The following MECR variants were observed in gnomAD, a reference collection of about 807,000 sequenced individuals.
MECR encodes the protein enoyl-[acyl-carrier-protein] reductase, mitochondrial.
Under a neutral mutation model 49.1 loss-of-function variants are expected in MECR, and 37 were observed. That is an observed-to-expected ratio of 0.75 (90% CI 0.58 to 0.99). The LOEUF is 0.99. Among genes scored for constraint, MECR ranks in the 50% least tolerant of loss-of-function variants. The pLI, the probability that MECR is intolerant of heterozygous loss-of-function variation, is 0.00. For synonymous variants in MECR, 198 were observed against 191.1 expected (o/e 1.04, Z -0.30); for missense variants, 470 against 479.6 (o/e 0.98, Z 0.19).
At chr1:29,174,980 T>C in the MECR span, among the ~76,000 whole-genome samples, 2 of 143,462 alleles carry the variant, frequency 1.4e-5, no homozygotes, top group African/African-American at 5.1e-5. Flanking sequence ...CCGGTGGGTT[T>C]TTTAATTAAA....
the MECR span, chr1:29,181,531 G>C: frequency 1.1e-6 from 1 of 910,354 alleles, no homozygotes; most frequent in Non-Finnish European, 1.6e-6. Context: ...GGCGGAGCCT[G>C]GCCAGGCCGG....
chr1:29,203,081 T>G, intron 5 of MECR, 50 bp downstream of exon 5: 1 of 1,451,094 alleles, frequency 6.9e-7, no homozygotes, highest in Non-Finnish European at 9.3e-7. Flanking sequence ...GGATGGGAGG[T>G]GGGAAAGACC....
chr1:29,196,259 C>CA lies in MECR; in HGVS notation c.831-2_831-1insT. On this transcript the variant is annotated splice_acceptor_variant, in intron 7 of 9. Transcript: ENST00000263702. LOFTEE classifies it high-confidence loss of function. ...ATAGGTTACCATGGTTCCTCCACGC[C>CA]TGAAAAGTCCAAAGAGAACAAAGAG... 1 of 1,610,998 alleles carries CA rather than the reference C, an allele frequency of 6.2e-7. No homozygotes were observed. The highest frequency in any genetic ancestry group is 8.5e-7 in the Non-Finnish European group (1 of 1,177,868).
intron 1 of MECR, among the ~76,000 whole-genome samples, chr1:29,217,568 C>A (rs1222777508): frequency 6.6e-6 from 1 of 152,030 alleles, no homozygotes; most frequent in Non-Finnish European, 1.5e-5. Flanking sequence ...CCTAGATGAG[C>A]CCTGTGTTTT....
chr1:29,180,875 C>T, the MECR span, among the ~76,000 whole-genome samples: 1 of 152,234 alleles, frequency 6.6e-6, no homozygotes, highest in African/African-American at 2.4e-5. Flanking sequence ...AATTTCGTCT[C>T]CGTCTGCGTT....
chr1:29,194,927 G>T (rs143326641), intron 9 of MECR, among the ~76,000 whole-genome samples: 1 of 151,730 alleles, frequency 6.6e-6, no homozygotes, highest in African/African-American at 2.4e-5. Flanking sequence ...ACCAGCCTGG[G>T]CAACATGATG....
intron 3 of MECR, among the ~76,000 whole-genome samples, chr1:29,212,354 G>A (rs1045229541): frequency 6.6e-6 from 1 of 152,156 alleles, no homozygotes; most frequent in Non-Finnish European, 1.5e-5. Context: ...ATGAGGTGGA[G>A]GTTGCAGGTT....
the MECR span, chr1:29,181,604 G>C: frequency 6.5e-7 from 1 of 1,527,664 alleles, no homozygotes; most frequent in African/African-American, 1.4e-5. Context: ...CCACCTATGG[G>C]GTCTGTCCCC....
At chr1:29,170,914 C>A in the MECR span, 1 of 152,216 alleles carries the variant, frequency 6.6e-6, no homozygotes, top group South Asian at 2.1e-4. Context: ...AAGTGCCTTT[C>A]AAGCGCTTCT....
At chr1:29,180,306 G>A in the MECR span, among the ~76,000 whole-genome samples, 91 of 152,256 alleles carry the variant, frequency 6.0e-4, no homozygotes, top group African/African-American at 1.8e-3. Flanking sequence ...ACGTCTACCC[G>A]CCACTTCAAT....
At chr1:29,185,087 T>C in the MECR span, among the ~76,000 whole-genome samples, 1 of 151,776 alleles carries the variant, frequency 6.6e-6, no homozygotes, top group Non-Finnish European at 1.5e-5. Flanking sequence ...GATTGTGCCA[T>C]TGCACTCCAG....
At chr1:29,191,781 A>G (rs3103882), downstream of MECR, among the ~76,000 whole-genome samples, 129,479 of 152,224 alleles carry the variant, frequency 0.85, 55,468 homozygotes, top group Middle Eastern at 0.9. Flanking sequence ...CTGGGAGTCC[A>G]TGTTCAAACT....
downstream of MECR, among the ~76,000 whole-genome samples, chr1:29,189,396 T>TGGG (rs34552321): frequency 2.7e-5 from 4 of 147,240 alleles, no homozygotes; most frequent in African/African-American, 1.0e-4. Flanking sequence ...AGAGATGGGT[T>TGGG]GGGGGGGGGT....
chr1:29,220,277 T>C (rs1282642437), intron 1 of MECR, among the ~76,000 whole-genome samples: 1 of 150,644 alleles, frequency 6.6e-6, no homozygotes, highest in Non-Finnish European at 1.5e-5. Context: ...GGTGTGCTCC[T>C]GTAGTTCCAG....
rs1355672978 is a variant in MECR at position 29,206,876 on chromosome 1, C to T, written c.436G>A (p.Glu146Lys). Reference protein sequence around the residue: ...GTWRTEAVFSEEALIQVPSDI... With the variant: ...GTWRTEAVFSKEALIQVPSDI... ...CTCGGAACTTGGATCAGTGCTTCCT[C>T]GCTGAACACAGCCTCGGTCCGCCAG... is the stretch of plus-strand genomic sequence containing the variant. Residue 146 changes from glutamate to lysine, a missense_variant, in exon 4 of 10, where the codon GAG becomes AAG. Coordinates refer to ENST00000263702, the MANE Select transcript of MECR (RefSeq NM_016011.5). 7.4e-6 allele frequency: 12 copies of T among 1,614,138 alleles called. No individual in the cohort carries two copies. Among genetic ancestry groups the T allele is most frequent in the South Asian group, 3.3e-5 (3 of 91,080 alleles).
intron 3 of MECR, among the ~76,000 whole-genome samples, chr1:29,208,118 G>A (rs1272259857): frequency 6.6e-6 from 1 of 151,926 alleles, no homozygotes; most frequent in African/African-American, 2.4e-5. Context: ...TCAGCCTCCC[G>A]AATAGCTGGG....
chr1:29,181,601 T>C, the MECR span: 6 of 1,513,352 alleles, frequency 4.0e-6, no homozygotes, highest in African/African-American at 7.2e-5. Context: ...CCACCACCTA[T>C]GGGGTCTGTC....
At chr1:29,174,639 A>G in the MECR span, among the ~76,000 whole-genome samples, 2 of 149,430 alleles carry the variant, frequency 1.3e-5, no homozygotes, top group Non-Finnish European at 3.0e-5. Flanking sequence ...GAGTCAGGAG[A>G]GGCATAAGAA....
Position 29,203,248 on chromosome 1 carries a change from A to C in MECR, c.551-15T>G. Reference sequence around the variant, plus strand: ...GACAGAATCCCCTGTGGAGCCAGGAAGAGAACCAAATCAAGCCCTGTATAG... The same window carrying C: ...GACAGAATCCCCTGTGGAGCCAGGACGAGAACCAAATCAAGCCCTGTATAG... On this transcript the variant is annotated splice_polypyrimidine_tract_variant and intron_variant, in intron 4 of 9. Coordinates refer to ENST00000263702, the MANE Select transcript of MECR (RefSeq NM_016011.5). 1 of 1,555,964 alleles carries C rather than the reference A, an allele frequency of 6.4e-7. No individual in the cohort carries two copies. The highest frequency in any genetic ancestry group is 8.7e-7 in the Non-Finnish European group (1 of 1,144,070).
Sources: gnomAD v4.1 joint callset for allele counts (sites outside exome capture counted in the v4.1 genomes callset) on GRCh38, gnomAD v4.1.1 for gene constraint, MANE v1.5 for transcripts, NCBI Gene and HGNC (gene_info 2026-07-23, HGNC 2026-07-21) for gene names.